The following TMOD2 variants were observed in gnomAD, a reference collection of about 807,000 sequenced individuals.
The protein encoded by TMOD2 is tropomodulin-2.
In TMOD2, 22 loss-of-function variants were observed where a neutral mutation model predicts 39.9. That is an observed-to-expected ratio of 0.55 (90% CI 0.39 to 0.79). The LOEUF (loss-of-function observed/expected upper bound fraction) is 0.79. Among genes scored for constraint, TMOD2 ranks in the 30% least tolerant of loss-of-function variants. TMOD2 has a pLI of 0.00. For synonymous variants in TMOD2, 123 were observed against 146.1 expected, an observed-to-expected ratio of 0.84 and a Z score of 1.14; for missense variants, 386 against 413.3, an observed-to-expected ratio of 0.93 and a Z score of 0.57.
chr15:51,752,618 C>T lies in TMOD2; in HGVS notation c.-70+906C>T, dbSNP rs183402583. The T allele has an allele frequency of 3.9e-5, 6 of 152,350 alleles. No individual in the cohort carries two copies. The East Asian group carries it at 9.7e-4, about 25-fold the overall frequency. The allele number at this position is 152,350 out of a possible 1,614,324, so 9.4% of individuals were successfully genotyped here. A position where few individuals can be genotyped will look rare whatever the true frequency, so the allele number is the denominator to read the frequency against. On this transcript the variant is annotated intron_variant, in intron 1 of 9. Coordinates refer to ENST00000249700, the MANE Select transcript of TMOD2 (RefSeq NM_014548.4). ...GACCTGGGCAAGTCCCTCCACCTCT[C>T]TGGGCCTCTGCATGTAAAGGGGCGT...
chr15:51,769,287 T>C (rs554754026), intron 3 of TMOD2, among the ~76,000 whole-genome samples: 1 of 152,174 alleles, frequency 6.6e-6, no homozygotes, highest in Non-Finnish European at 1.5e-5. Flanking sequence ...TTTACCAACT[T>C]CAGAAGTCCC....
Position 51,773,760 on chromosome 15 carries a change from A to G in TMOD2, c.332A>G (p.Glu111Gly). The G allele has an allele frequency of 1.2e-6, 2 of 1,613,102 alleles. No individual in the cohort carries two copies. The highest frequency in any genetic ancestry group is 1.1e-5 in the South Asian group (1 of 90,986). ...AAGCCTATAGAAACTCGTAAAGAAG[A>G]AAAAGTGACCCTTGACCCAGAACTG... ...KEKPIETRKE[E>G]KVTLDPELEE... Residue 111 changes from glutamate (E) to glycine (G), a missense_variant, in exon 4 of 10, where the codon GAA (glutamate) becomes GGA (glycine). Glu to Gly is a moderately conservative substitution (Grantham distance 98). Transcript: ENST00000249700.
chr15:51,806,555 AG>A (rs2056122915), intron 9 of TMOD2, 34 bp downstream of exon 9: 1 of 1,612,720 alleles, frequency 6.2e-7, no homozygotes, highest in Non-Finnish European at 8.5e-7. Context: ...GTTAACAATT[AG>A]AAGAGCATGA....
intron 1 of TMOD2, among the ~76,000 whole-genome samples, chr15:51,759,175 G>A (rs559138826): frequency 1.3e-5 from 2 of 149,958 alleles, no homozygotes; most frequent in Non-Finnish European, 3.0e-5. Flanking sequence ...TTGATGGCTG[G>A]AAAAGAGACG....
intron 1 of TMOD2, among the ~76,000 whole-genome samples, chr15:51,758,498 C>T (rs1244318294): frequency 2.0e-5 from 3 of 152,098 alleles, no homozygotes; most frequent in African/African-American, 7.2e-5. Flanking sequence ...GAGCTCTGGA[C>T]CTGCGGGTTC....
intron 7 of TMOD2, chr15:51,783,921 A>G (rs1184003039): frequency 6.6e-6 from 1 of 152,212 alleles, no homozygotes; most frequent in African/African-American, 2.4e-5. Flanking sequence ...TCTTCCTATC[A>G]ATAGCCAATT....
At chr15:51,757,848 A>G (rs574897426) in intron 1 of TMOD2, among the ~76,000 whole-genome samples, 1 of 152,320 alleles carries the variant, frequency 6.6e-6, no homozygotes, top group East Asian at 1.9e-4. Context: ...CAGTATTTCT[A>G]TATTTGCTTT....
At chr15:51,784,358 A>G (rs1413652316) in intron 7 of TMOD2, 2 of 152,262 alleles carry the variant, frequency 1.3e-5, no homozygotes, top group Non-Finnish European at 2.9e-5. Flanking sequence ...TTTGATTTAA[A>G]GTAACATGTC....
At chr15:51,788,998 C>A (rs918407106) in intron 7 of TMOD2, among the ~76,000 whole-genome samples, 2 of 152,200 alleles carry the variant, frequency 1.3e-5, no homozygotes, top group African/African-American at 4.8e-5. Flanking sequence ...GGATCAAATT[C>A]ACATATAACA....
chr15:51,776,845 A>G, intron 4 of TMOD2, 87 bp from the exon 5 acceptor site: 1 of 1,074,288 alleles, frequency 9.3e-7, no homozygotes, highest in Non-Finnish European at 1.4e-6. Context: ...TATGATGTAA[A>G]GAATTGTTCT....
At chr15:51,783,885 T>TA (rs1448373097) in intron 7 of TMOD2, 1 of 152,208 alleles carries the variant, frequency 6.6e-6, no homozygotes, top group African/African-American at 2.4e-5. Flanking sequence ...GGTAAATACT[T>TA]ATACCATCAC....
chr15:51,800,606 C>G (rs1567247350), intron 8 of TMOD2, among the ~76,000 whole-genome samples: 1 of 152,110 alleles, frequency 6.6e-6, no homozygotes, highest in Non-Finnish European at 1.5e-5. Context: ...ACCTCATCAC[C>G]CCTCCTCAGC....
chr15:51,763,384 G>C (rs1412373115), intron 1 of TMOD2, among the ~76,000 whole-genome samples: 4 of 152,224 alleles, frequency 2.6e-5, no homozygotes, highest in Non-Finnish European at 5.9e-5. Flanking sequence ...TAAGTGAAAT[G>C]CATTCATTAG....
At chr15:51,798,167 T>C in intron 7 of TMOD2, 30 bp from the exon 8 acceptor site, 1 of 1,560,414 alleles carries the variant, frequency 6.4e-7, no homozygotes, top group South Asian at 1.2e-5. Context: ...CTAACTTAAT[T>C]CTAAGTTTTT....
chr15:51,762,085 C>A (rs1362077409), intron 1 of TMOD2, among the ~76,000 whole-genome samples: 9 of 149,896 alleles, frequency 6.0e-5, no homozygotes, highest in Admixed American at 6.7e-5. Context: ...GGAGGTGGAG[C>A]TTGCAGTGAG....
chr15:51,805,854 A>G (rs1489165474), intron 8 of TMOD2, among the ~76,000 whole-genome samples: 3 of 152,244 alleles, frequency 2.0e-5, no homozygotes, highest in Non-Finnish European at 4.4e-5. Context: ...TGGTTGTACA[A>G]TATTGTGATT....
rs1441567665 is a variant in TMOD2, at chr15:51,772,112, G to T, written c.284-1600G>T. On this transcript the variant is annotated intron_variant, in intron 3 of 9. Coordinates refer to ENST00000249700, the MANE Select transcript of TMOD2 (RefSeq NM_014548.4). Reference sequence around the variant, plus strand: ...GGGAAGTCTCCTGGAGAGTTCTCATGCAGGAGGGTTATTGACTTTGGGTTG... The same window carrying T: ...GGGAAGTCTCCTGGAGAGTTCTCATTCAGGAGGGTTATTGACTTTGGGTTG... Among the ~76,000 whole-genome samples, 5 of 152,218 alleles carry T rather than the reference G, an allele frequency of 3.3e-5. No homozygotes were observed. In the East Asian group the frequency reaches 9.6e-4, roughly 29 times the overall value.
intron 7 of TMOD2, among the ~76,000 whole-genome samples, 173 bp from the exon 8 acceptor site, chr15:51,798,024 A>G (rs930629744): frequency 6.6e-6 from 1 of 152,084 alleles, no homozygotes; most frequent in Non-Finnish European, 1.5e-5. Context: ...GAAATATTTT[A>G]ATTGTGGTTT....
intron 8 of TMOD2, among the ~76,000 whole-genome samples, chr15:51,803,288 C>A (rs532208084): frequency 5.6e-4 from 84 of 149,084 alleles, no homozygotes; most frequent in African/African-American, 2.0e-3. Context: ...TCAAGCGATT[C>A]TCCTGCCTCA....
Sources: gnomAD v4.1 joint callset for allele counts (sites outside exome capture counted in the v4.1 genomes callset) on GRCh38, gnomAD v4.1.1 for gene constraint, MANE v1.5 for transcripts, NCBI Gene and HGNC (gene_info 2026-07-23, HGNC 2026-07-21) for gene names.